SVIL: variants seen among roughly 807,000 people sequenced by gnomAD.
The protein encoded by SVIL is archvillin.
SVIL carries 101 observed loss-of-function variants against 240.4 expected under a neutral mutation model. That is an observed-to-expected ratio of 0.42 (90% CI 0.36 to 0.50). SVIL has a LOEUF of 0.50. SVIL is among the 20% of genes least tolerant of loss of function. The probability of loss-of-function intolerance (pLI) is 0.01; values close to 1 mark genes in which losing one functional copy is unlikely to be tolerated. For synonymous variants in SVIL, 999 were observed against 1,100.0 expected (o/e 0.91, Z 1.82); for missense variants, 2,512 against 2,818.7 (o/e 0.89, Z 2.46).
rs144552023 is a variant in SVIL, at chr10:29,512,787, G to T, written c.3464C>A (p.Ala1155Glu). Residue 1155 changes from alanine (A) to glutamate (E), a missense_variant, in exon 17 of 38, where the codon GCG becomes GAG. Ala to Glu is a moderately radical substitution (Grantham distance 107). Coordinates refer to ENST00000355867, the MANE Select transcript of SVIL (RefSeq NM_021738.3). ...RLSRRQEGGK[A>E]PASSLHTQEA... ...CTGGGTGTGCAGGCTGCTGGCCGGC[G>T]CCTTGCCGCCCTCCTGCCTCCTGCT... 6.2e-7 allele frequency: 1 copy of T among 1,613,540 alleles called. No homozygotes were observed. The highest frequency in any genetic ancestry group is 1.7e-5 in the Admixed American group (1 of 60,028).
At chr10:29,469,501 C>T (rs960888908) in intron 32 of SVIL, among the ~76,000 whole-genome samples, 1 of 152,220 alleles carries the variant, frequency 6.6e-6, no homozygotes, top group African/African-American at 2.4e-5. Context: ...TCCTGAATGC[C>T]TGGGCGACAC....
At chr10:29,480,272 G>A (rs1271722360) in intron 29 of SVIL, among the ~76,000 whole-genome samples, 1 of 152,220 alleles carries the variant, frequency 6.6e-6, no homozygotes, top group African/African-American at 2.4e-5. Context: ...AGGGGAGGGA[G>A]AGAGGGAGCT....
At chr10:29,477,597 A>G (rs1048739578) in intron 29 of SVIL, among the ~76,000 whole-genome samples, 2 of 152,312 alleles carry the variant, frequency 1.3e-5, no homozygotes, top group East Asian at 3.9e-4. Context: ...TTGTGCGCAC[A>G]AGTGATAGGG....
intron 1 of SVIL, among the ~76,000 whole-genome samples, chr10:29,613,047 C>T (rs951003477): frequency 2.6e-5 from 4 of 151,784 alleles, no homozygotes; most frequent in South Asian, 2.1e-4. Context: ...TGTGGTGGCA[C>T]GTGCCTGTAG....
intron 23 of SVIL, 40 bp downstream of exon 23, chr10:29,488,561 C>A (rs1377285173): frequency 1.1e-5 from 17 of 1,516,276 alleles, no homozygotes; most frequent in Non-Finnish European, 1.2e-5. Context: ...AGACAGAAAC[C>A]ACGGGCCCTG....
upstream of SVIL, among the ~76,000 whole-genome samples, chr10:29,636,347 C>G (rs1450000169): frequency 6.6e-6 from 1 of 152,150 alleles, no homozygotes; most frequent in African/African-American, 2.4e-5. Flanking sequence ...CTATTTGGGT[C>G]TTCTCTGTAA....
chr10:29,481,480 G>T (rs1051154405), intron 28 of SVIL, 104 bp downstream of exon 28: 1 of 1,409,546 alleles, frequency 7.1e-7, no homozygotes, highest in Non-Finnish European at 9.8e-7. Flanking sequence ...TACATCTGGG[G>T]TGACAGCCAT....
At chr10:29,606,903 T>A (rs184853244) in intron 1 of SVIL, among the ~76,000 whole-genome samples, 1 of 152,244 alleles carries the variant, frequency 6.6e-6, no homozygotes, top group Admixed American at 6.5e-5. Context: ...TACAGCCACG[T>A]GCCACCACAC....
intron 1 of SVIL, among the ~76,000 whole-genome samples, chr10:29,615,685 T>C (rs1000069989): frequency 2.0e-5 from 3 of 152,216 alleles, no homozygotes; most frequent in African/African-American, 7.2e-5. Context: ...AGTATGTGTG[T>C]TCCATTCATT....
In SVIL at chr10:29,531,252, G is replaced by A; in HGVS notation, c.2044+2C>T. 6.2e-7 allele frequency: 1 copy of A among 1,613,758 alleles called. No individual in the cohort carries two copies. The highest frequency in any genetic ancestry group is 1.1e-5 in the South Asian group (1 of 91,028). The stretch of plus-strand genomic sequence containing the variant: ...AGAAAAAAAAGGGAAACAGGTACTT[G>A]CCATCGACAGTTGGCGTTTCTGAAT... On this transcript the variant is annotated splice_donor_variant, in intron 10 of 37. Coordinates refer to ENST00000355867, the MANE Select transcript of SVIL (RefSeq NM_021738.3). LOFTEE classifies it low-confidence loss of function (GC_TO_GT_DONOR).
At chr10:29,525,469 C>A (rs1950833830) in intron 13 of SVIL, among the ~76,000 whole-genome samples, 1 of 152,148 alleles carries the variant, frequency 6.6e-6, no homozygotes, top group African/African-American at 2.4e-5. Context: ...TAAAAATTAG[C>A]CAGGCTTGGT....
At position 29,457,980 on chromosome 10, in the gene SVIL, A is replaced by C; in HGVS notation, c.*267T>G. The C allele has an allele frequency of 3.3e-6, 1 of 306,272 alleles. No homozygotes were observed. Among genetic ancestry groups the C allele is most frequent in the Non-Finnish European group, 6.0e-6 (1 of 166,644 alleles). The allele number at this position is 306,272 out of a possible 1,614,324, so 19.0% of individuals were successfully genotyped here. ...GGAACAAGAAGGCAGTGCTATCTAT[A>C]GCAGCTGCGGCTTAAGTGCACATAA... is the stretch of plus-strand genomic sequence containing the variant. On this transcript the variant is annotated 3_prime_UTR_variant, in exon 38 of 38. Transcript: ENST00000355867.
intron 1 of SVIL, among the ~76,000 whole-genome samples, chr10:29,587,481 T>C (rs1221880212): frequency 6.6e-6 from 1 of 152,134 alleles, no homozygotes; most frequent in Non-Finnish European, 1.5e-5. Context: ...AGACAAAGGG[T>C]TACCCTGTGC....
rs143715475 is a variant in SVIL, at chr10:29,503,587, A to T, written c.3517-4324T>A. Among the ~76,000 whole-genome samples the T allele has an allele frequency of 6.7e-3, 1,024 of 152,358 alleles. 11 individuals carry two copies. Among genetic ancestry groups the T allele is most frequent in the South Asian group, 0.045 (219 of 4,832 alleles). On this transcript the variant is annotated intron_variant, in intron 17 of 37. Transcript: ENST00000355867. The stretch of plus-strand genomic sequence containing the variant: ...CTAGTGCTACATACTCAGTATATAA[A>T]CTATTTATATTTAGCTGGGAAACAT...
intron 1 of SVIL, among the ~76,000 whole-genome samples, chr10:29,588,919 C>G (rs189703084): frequency 4.1e-4 from 63 of 152,226 alleles, no homozygotes; most frequent in South Asian, 8.3e-4. Flanking sequence ...CCCCACCCCC[C>G]CTTTTATTCC....
intron 1 of SVIL, among the ~76,000 whole-genome samples, chr10:29,595,609 C>CT (rs1259070896): frequency 5.3e-5 from 8 of 152,312 alleles, no homozygotes; most frequent in African/African-American, 1.9e-4. Context: ...AACAAAATAG[C>CT]TTTTGGGTAG....
intron 6 of SVIL, among the ~76,000 whole-genome samples, chr10:29,548,264 A>G (rs1564618351): frequency 6.6e-6 from 1 of 152,180 alleles, no homozygotes; most frequent in Non-Finnish European, 1.5e-5. Flanking sequence ...GGAAAAAAAT[A>G]GGGGTGTTTC....
chr10:29,684,001 T>C (rs970165815), intron 2 of SVIL, among the ~76,000 whole-genome samples: 1 of 152,118 alleles, frequency 6.6e-6, no homozygotes, highest in African/African-American at 2.4e-5. Flanking sequence ...ATAATTGAGT[T>C]GAACATCTTT....
intron 16 of SVIL, among the ~76,000 whole-genome samples, chr10:29,521,147 C>T (rs534538656): frequency 1.3e-4 from 19 of 149,298 alleles, no homozygotes; most frequent in East Asian, 6.0e-4. Flanking sequence ...CGCTTGAACC[C>T]GGGAGGCAGA....
Sources: gnomAD v4.1 joint callset for allele counts (sites outside exome capture counted in the v4.1 genomes callset) on GRCh38, gnomAD v4.1.1 for gene constraint, MANE v1.5 for transcripts, NCBI Gene and HGNC (gene_info 2026-07-23, HGNC 2026-07-21) for gene names.